The following ZNF609 variants were observed in gnomAD, a reference collection of about 807,000 sequenced individuals.
ZNF609 encodes zinc finger protein 609.
A neutral mutation model predicts 109.5 loss-of-function variants in ZNF609; 11 were observed. That is an observed-to-expected ratio of 0.10 (90% CI 0.06 to 0.17). ZNF609 has a LOEUF of 0.17. Ranked by LOEUF, ZNF609 falls within the 10% of genes least tolerant of loss-of-function variation. The pLI, the probability that ZNF609 is intolerant of heterozygous loss-of-function variation, is 1.00. For synonymous variants in ZNF609, 646 were observed against 662.0 expected (o/e 0.98, Z 0.37); for missense variants, 1,559 against 1,772.4 (o/e 0.88, Z 2.16).
intron 2 of ZNF609, among the ~76,000 whole-genome samples, chr15:64,547,648 C>T (rs1180110043): frequency 6.6e-6 from 1 of 151,742 alleles, no homozygotes; most frequent in Non-Finnish European, 1.5e-5. Flanking sequence ...AGCCACTTAC[C>T]ACTTTTTTTT....
intron 3 of ZNF609, among the ~76,000 whole-genome samples, chr15:64,628,117 A>AT (rs987615215): frequency 1.3e-5 from 2 of 151,130 alleles, no homozygotes; most frequent in Admixed American, 6.6e-5. Flanking sequence ...TACAAAAAAA[A>AT]TTTTTTTTAA....
intron 2 of ZNF609, among the ~76,000 whole-genome samples, chr15:64,580,573 C>G (rs1895083044): frequency 7.2e-6 from 1 of 139,334 alleles, no homozygotes; most frequent in African/African-American, 2.6e-5. Context: ...TTTTTTGAGA[C>G]AGAGTCTCGT....
intron 2 of ZNF609, among the ~76,000 whole-genome samples, chr15:64,569,292 A>C (rs1482878643): frequency 6.6e-6 from 1 of 152,200 alleles, no homozygotes. Flanking sequence ...TCTATTATAT[A>C]AGAGTACCAG....
chr15:64,602,716 CTTTTTTTTTTTTTT>C (rs10600561), intron 2 of ZNF609, among the ~76,000 whole-genome samples: 24 of 55,600 alleles, frequency 4.3e-4, no homozygotes, highest in African/African-American at 1.6e-3. Flanking sequence ...TTTTTTCTTT[CTTTTTTTTTTTTTT>C]TTTTTTTTTT....
chr15:64,550,053 T>A (rs1894439783), intron 2 of ZNF609, among the ~76,000 whole-genome samples: 1 of 152,084 alleles, frequency 6.6e-6, no homozygotes, highest in Admixed American at 6.6e-5. Context: ...CTTCCCTCAA[T>A]GGATCCTCTC....
intron 2 of ZNF609, among the ~76,000 whole-genome samples, chr15:64,511,162 A>G (rs1349902661): frequency 6.6e-6 from 1 of 151,978 alleles, no homozygotes; most frequent in Non-Finnish European, 1.5e-5. Context: ...GTGAAAGACA[A>G]CAGAGTGTTG....
intron 2 of ZNF609, among the ~76,000 whole-genome samples, chr15:64,574,971 T>C (rs907078098): frequency 2.0e-5 from 3 of 152,184 alleles, no homozygotes; most frequent in South Asian, 2.1e-4. Flanking sequence ...GCACTATTCA[T>C]TTTACCAAGC....
intron 2 of ZNF609, among the ~76,000 whole-genome samples, chr15:64,550,419 T>A (rs1023194266): frequency 6.6e-6 from 1 of 152,014 alleles, no homozygotes; most frequent in Non-Finnish European, 1.5e-5. Context: ...GCAGGCCAGG[T>A]ATGGTGGCTC....
Position 64,680,773 on chromosome 15 carries a change from C to T in ZNF609, c.4073C>T (p.Pro1358Leu). 6.2e-7 allele frequency: 1 copy of T among 1,613,708 alleles called. No individual in the cohort carries two copies. The highest frequency in any genetic ancestry group is 1.1e-5 in the South Asian group (1 of 91,070). The change falls in exon 8 of 10, where the codon CCT (proline) becomes CTT (leucine). Residue 1358 changes from proline to leucine, a missense_variant. Physicochemically the swap from Pro to Leu is moderately conservative, Grantham distance 98 (BLOSUM62 -3). Coordinates refer to ENST00000326648, the MANE Select transcript of ZNF609 (RefSeq NM_015042.2). The stretch of plus-strand genomic sequence containing the variant: ...AGTGTTGACCGGCCCCGCACCTCTC[C>T]TTCCCAGCGCCTGATGTCCACACAC... ...ERSVDRPRTS[P>L]SQRLMSTHHH...
intron 3 of ZNF609, among the ~76,000 whole-genome samples, chr15:64,656,107 A>G (rs2141001176): frequency 6.6e-6 from 1 of 152,046 alleles, no homozygotes; most frequent in East Asian, 1.9e-4. Context: ...TCTGTCACCC[A>G]GGCTGGAGTG....
At position 64,501,432 on chromosome 15, in the gene ZNF609, G is replaced by A. The variant is rs567542888; in HGVS notation, c.747+1266G>A. On this transcript the variant is annotated intron_variant, in intron 2 of 9. Coordinates refer to ENST00000326648, the MANE Select transcript of ZNF609 (RefSeq NM_015042.2). Reference sequence around the variant, plus strand: ...GAGTTTCTTCCACTAATAATACAGTGGCTCATTCCCTTTTACCAGTGGCAG... The same window carrying A: ...GAGTTTCTTCCACTAATAATACAGTAGCTCATTCCCTTTTACCAGTGGCAG... The A allele has an allele frequency of 7.2e-5, 11 of 152,316 alleles. No homozygotes were observed. The East Asian group carries it at 1.9e-3, about 27-fold the overall frequency. The allele number at this position is 152,316 out of a possible 1,614,324, so 9.4% of individuals were successfully genotyped here.
In ZNF609 at chr15:64,632,223, A is replaced by G. The variant is rs143439821; in HGVS notation, c.973+9171A>G. On this transcript the variant is annotated intron_variant, in intron 3 of 9. Transcript: ENST00000326648. ...GCATGTCACCATGCCTGGGTAGTTA[A>G]AATTTTTTTTTGGTAGAGACAGTGT... 1.8e-4 allele frequency among the ~76,000 whole-genome samples: 27 copies of G among 151,662 alleles called. No homozygotes were observed. The East Asian group carries it at 5.3e-3, about 30-fold the overall frequency.
chr15:64,674,488 T>G lies in ZNF609; in HGVS notation c.1634T>G (p.Leu545Arg), dbSNP rs1896779785. The G allele has an allele frequency of 6.2e-7, 1 of 1,614,034 alleles. No homozygotes were observed. Among genetic ancestry groups the G allele is most frequent in the Non-Finnish European group, 8.5e-7 (1 of 1,180,032 alleles). Reference protein sequence around the residue: ...YGEEPILHADLGSCNGASVSQ... With the variant: ...YGEEPILHADRGSCNGASVSQ... Reference sequence around the variant, plus strand: ...GAGGAACCTATTCTCCATGCAGATCTTGGGAGCTGCAACGGTGCATCTGTC... The same window carrying G: ...GAGGAACCTATTCTCCATGCAGATCGTGGGAGCTGCAACGGTGCATCTGTC... Residue 545 changes from leucine (L) to arginine (R), a missense_variant, in exon 5 of 10, where the codon CTT (leucine) becomes CGT (arginine). Physicochemically the swap from Leu to Arg is moderately radical, Grantham distance 102. Transcript: ENST00000326648.
intron 1 of ZNF609, among the ~76,000 whole-genome samples, chr15:64,485,332 A>G (rs1169346192): frequency 6.6e-6 from 1 of 152,226 alleles, no homozygotes; most frequent in African/African-American, 2.4e-5. Context: ...TTAGATATGG[A>G]ACACTCAGGT....
At chr15:64,639,302 G>T (rs1331762883) in intron 3 of ZNF609, among the ~76,000 whole-genome samples, 3 of 152,156 alleles carry the variant, frequency 2.0e-5, no homozygotes, top group Non-Finnish European at 2.9e-5. Flanking sequence ...TGCCTTTGGG[G>T]CTGTATTAAT....
intron 1 of ZNF609, among the ~76,000 whole-genome samples, chr15:64,490,268 A>G (rs1328039607): frequency 1.0e-5 from 1 of 98,466 alleles, no homozygotes; most frequent in Admixed American, 1.2e-4. Flanking sequence ...CCCGGCCAGT[A>G]GTTGTTTTTT....
chr15:64,481,397 C>G (rs375296833), intron 1 of ZNF609, among the ~76,000 whole-genome samples: 3 of 149,832 alleles, frequency 2.0e-5, no homozygotes, highest in Admixed American at 1.3e-4. Flanking sequence ...CTCGGCTCAC[C>G]GCAACCTCTG....
Position 64,679,332 on chromosome 15 carries a change from AAAGTGCTG to A in ZNF609, c.3770-851_3770-844del, listed in dbSNP as rs1567046736. On this transcript the variant is annotated intron_variant, in intron 6 of 9. Transcript: ENST00000326648. ...GGTGATCCGGCTGCCTTGGCCTCCC[AAAGTGCTG>A]AGATACAGGCATGAGCCACCGCTCC... Among the ~76,000 whole-genome samples, 2 of 152,194 alleles carry A rather than the reference AAAGTGCTG, an allele frequency of 1.3e-5. 1 individual carries two copies.
rs182651595 is a variant in ZNF609 at position 64,676,085 on chromosome 15, A to T, written c.3231A>T (p.Ser1077=). The change falls in exon 5 of 10, where the codon TCA becomes TCT. Residue 1077 remains serine (S), a synonymous_variant. Coordinates refer to ENST00000326648, the MANE Select transcript of ZNF609 (RefSeq NM_015042.2). ...AKEPGADPAK[S]VIIPKLDDSS... is the part of the protein sequence containing the mutation. ...AGCCAGGGGCTGACCCAGCCAAATC[A>T]GTCATCATTCCCAAGTTAGATGACT... is the stretch of plus-strand genomic sequence containing the variant. 5.0e-5 allele frequency: 81 copies of T among 1,614,240 alleles called. No individual in the cohort carries two copies. In the East Asian group the frequency reaches 1.7e-3, roughly 34 times the overall value.
Sources: allele counts gnomAD v4.1 joint callset (sites outside exome capture counted in the v4.1 genomes callset), GRCh38; gene constraint gnomAD v4.1.1; transcripts MANE v1.5; gene names NCBI Gene and HGNC (gene_info 2026-07-23, HGNC 2026-07-21).